The following RILPL1 variants were observed in gnomAD, a reference collection of about 807,000 sequenced individuals.
RILPL1 encodes the protein Rab interacting lysosomal protein like 1.
A neutral mutation model predicts 50.3 loss-of-function variants in RILPL1; 33 were observed. The ratio of observed to expected loss-of-function variants is 0.66; its 90% CI spans 0.50 to 0.88. The LOEUF is 0.88. RILPL1 is among the 40% of genes least tolerant of loss of function. The probability of loss-of-function intolerance (pLI) is 0.00; values close to 1 mark genes in which losing one functional copy is unlikely to be tolerated. For missense variants in RILPL1, 418 were observed against 542.5 expected (o/e 0.77, Z 2.28); for synonymous variants, 205 against 228.6 (o/e 0.90, Z 0.93).
At position 123,521,585 on chromosome 12, in the gene RILPL1, GTA is replaced by G. The variant is rs1326007392; in HGVS notation, c.460+1908_460+1909del. 2.0e-3 allele frequency among the ~76,000 whole-genome samples: 73 copies of G among 36,216 alleles called. No individual in the cohort carries two copies. In the Middle Eastern group the frequency reaches 0.038, roughly 19 times the overall value. The allele number at this position is 36,216 out of a possible 152,430, so 23.8% of individuals were successfully genotyped here. A position where few individuals can be genotyped will look rare whatever the true frequency, so the allele number is the denominator to read the frequency against. On this transcript the variant is annotated intron_variant, in intron 2 of 6. Transcript: ENST00000376874. ...TATTAATATATATACACACATATGTGTATATATATATTAATATATATACACAC... is the reference window on the plus strand; with the variant it reads ...TATTAATATATATACACACATATGTGTATATATATTAATATATATACACAC...
At chr12:123,505,295 G>T (rs1054988459) in intron 2 of RILPL1, among the ~76,000 whole-genome samples, 8 of 152,160 alleles carry the variant, frequency 5.3e-5, no homozygotes, top group African/African-American at 1.9e-4. Context: ...GCCTCCCAAA[G>T]TGCTGGGATT....
intron 1 of RILPL1, among the ~76,000 whole-genome samples, chr12:123,526,677 T>C (rs1324801227): frequency 6.6e-6 from 1 of 152,202 alleles, no homozygotes; most frequent in East Asian, 1.9e-4. Context: ...CCCACCTCCT[T>C]TGTCAGAAGC....
chr12:123,529,075 G>A (rs961967485), intron 1 of RILPL1, among the ~76,000 whole-genome samples: 1 of 152,122 alleles, frequency 6.6e-6, no homozygotes, highest in Non-Finnish European at 1.5e-5. Context: ...CATGCCAAGT[G>A]CATTCCTACC....
chr12:123,480,351 T>TG (rs781064504), intron 6 of RILPL1, among the ~76,000 whole-genome samples: 4 of 151,640 alleles, frequency 2.6e-5, no homozygotes, highest in Non-Finnish European at 2.9e-5. Flanking sequence ...TTAGTAGAGA[T>TG]GGGGGTTTCA....
At chr12:123,515,505 A>G (rs1169363707) in intron 2 of RILPL1, 2 of 151,100 alleles carry the variant, frequency 1.3e-5, no homozygotes, top group Non-Finnish European at 3.0e-5. Flanking sequence ...GCTGGAATGC[A>G]GTGGCGCGAT....
At chr12:123,502,325 C>T (rs35948648) in intron 2 of RILPL1, among the ~76,000 whole-genome samples, 2,384 of 152,338 alleles carry the variant, frequency 0.016, 33 homozygotes, top group Non-Finnish European at 0.024. Context: ...GACGTCGTAG[C>T]AGAAGTCTTT....
rs1885520584 is a variant in RILPL1 at position 123,533,450 on chromosome 12, G to A, written c.33C>T (p.Ala11=). The change falls in exon 1 of 7, where the codon GCC becomes GCT. Residue 11 remains alanine, a synonymous_variant. Transcript: ENST00000376874. The surrounding 1 kb of genome is among the most constrained non-coding windows in gnomAD (Gnocchi z 6.2). The part of the protein sequence containing the change: MEEERGSALA[A]ESALEKNVAE... ...CCACGTTCTTCTCCAGCGCCGACTC[G>A]GCCGCCAGCGCCGACCCCCGCTCCT... The A allele has an allele frequency of 6.5e-7, 1 of 1,530,252 alleles. No individual in the cohort carries two copies. Among genetic ancestry groups the A allele is most frequent in the Non-Finnish European group, 8.8e-7 (1 of 1,135,918 alleles). 94.8% of individuals were successfully genotyped at this position (1,530,252 alleles called of 1,614,324 possible).
chr12:123,498,825 C>G lies in RILPL1; in HGVS notation c.580-60G>C. 6.7e-7 allele frequency: 1 copy of G among 1,499,292 alleles called. No individual in the cohort carries two copies. The highest frequency in any genetic ancestry group is 9.2e-7 in the Non-Finnish European group (1 of 1,085,420). The allele number at this position is 1,499,292 out of a possible 1,614,324, so 92.9% of individuals were successfully genotyped here. ...CACCTGCGGTAGCTCAGGTTGTACA[C>G]TGCACAACGGCAAACCATCCATAGG... On this transcript the variant is annotated intron_variant, in intron 3 of 6. Coordinates refer to ENST00000376874, the MANE Select transcript of RILPL1 (RefSeq NM_178314.5). This position sits in a 1 kb window ranked among gnomAD's most constrained non-coding sequence, Gnocchi z 4.3.
chr12:123,523,692 G>T, intron 1 of RILPL1, 47 bp from the exon 2 acceptor site: 1 of 1,586,390 alleles, frequency 6.3e-7, no homozygotes. Context: ...GCCCAGAGCA[G>T]CCGCCCCACC....
intron 6 of RILPL1, chr12:123,475,490 C>G (rs374240288): frequency 1.6e-6 from 1 of 608,006 alleles, no homozygotes; most frequent in African/African-American, 1.8e-5. Context: ...GTAGACCGAG[C>G]GCAGCCAGTG....
At chr12:123,493,990 G>T (rs1159848908) in intron 4 of RILPL1, among the ~76,000 whole-genome samples, 5 of 151,838 alleles carry the variant, frequency 3.3e-5, no homozygotes, top group Non-Finnish European at 7.4e-5. Flanking sequence ...TCATCATGTT[G>T]CCCAGGCTAG....
chr12:123,529,837 G>A (rs1489182885), intron 1 of RILPL1, among the ~76,000 whole-genome samples: 4 of 145,148 alleles, frequency 2.8e-5, no homozygotes, highest in African/African-American at 7.5e-5. Context: ...TGCCATCATT[G>A]CTCTCTGGCC....
intron 6 of RILPL1, among the ~76,000 whole-genome samples, chr12:123,477,714 G>A (rs1324778417): frequency 6.6e-6 from 1 of 152,030 alleles, no homozygotes; most frequent in African/African-American, 2.4e-5. Flanking sequence ...AAGTGAATGG[G>A]CCCCAGAGGC....
chr12:123,488,793 C>T (rs756781387), intron 4 of RILPL1, among the ~76,000 whole-genome samples: 2 of 152,194 alleles, frequency 1.3e-5, no homozygotes, highest in Non-Finnish European at 2.9e-5. Flanking sequence ...TGACCCCGGC[C>T]GCCCTCGCAA....
At chr12:123,472,794 T>C (rs116576935) in intron 6 of RILPL1, 112 bp from the exon 7 acceptor site, 18,219 of 1,191,474 alleles carry the variant, frequency 0.015, 269 homozygotes, top group Admixed American at 0.057. Flanking sequence ...AGCAAATCAA[T>C]TCAAGGTGTG....
At position 123,470,569 on chromosome 12, in the gene RILPL1, A is replaced by T. The variant is rs1881142697; in HGVS notation, c.*1969T>A. On this transcript the variant is annotated 3_prime_UTR_variant, in exon 7 of 7. Transcript: ENST00000376874. ...GGCAGGTGAATCACTTGAGGTCAGG[A>T]GTTCGAGACCTCGAGACCAGCCTGG... 1 of 151,904 alleles carries T rather than the reference A, an allele frequency of 6.6e-6. No homozygotes were observed. The highest frequency in any genetic ancestry group is 2.4e-5 in the African/African-American group (1 of 41,302). 9.4% of individuals were successfully genotyped at this position (151,904 alleles called of 1,614,324 possible). A position where few individuals can be genotyped will look rare whatever the true frequency, so the allele number is the denominator to read the frequency against.
At position 123,482,550 on chromosome 12, in the gene RILPL1, C is replaced by T. The variant is rs2139314388; in HGVS notation, c.1067+1630G>A. Among the ~76,000 whole-genome samples the T allele has an allele frequency of 2.6e-5, 4 of 152,092 alleles. No homozygotes were observed. In the South Asian group the frequency reaches 8.3e-4, roughly 32 times the overall value. ...TTGGCCTTTCAGAGTGCTGGGATTACAGATGTGAGCTGCCATGCCCAGCAA... is the reference window on the plus strand; with the variant it reads ...TTGGCCTTTCAGAGTGCTGGGATTATAGATGTGAGCTGCCATGCCCAGCAA... On this transcript the variant is annotated intron_variant, in intron 6 of 6. Transcript: ENST00000376874.
chr12:123,493,439 T>C (rs1168945511), intron 4 of RILPL1, among the ~76,000 whole-genome samples: 1 of 152,186 alleles, frequency 6.6e-6, no homozygotes, highest in Non-Finnish European at 1.5e-5. Context: ...GGATCCTCCA[T>C]ATGCTGAACA....
chr12:123,526,449 G>C (rs1370397495), intron 1 of RILPL1, among the ~76,000 whole-genome samples: 1 of 152,164 alleles, frequency 6.6e-6, no homozygotes, highest in Non-Finnish European at 1.5e-5. Context: ...GCCTTCTGGT[G>C]CCCCACAAAT....
Sources: gnomAD v4.1 joint callset for allele counts (sites outside exome capture counted in the v4.1 genomes callset) on GRCh38, gnomAD v4.1.1 for gene constraint, Gnocchi (gnomAD v3.1) non-coding constraint, MANE v1.5 for transcripts, NCBI Gene and HGNC (gene_info 2026-07-23, HGNC 2026-07-21) for gene names.